Variants in CLEC4E observed in about 807,000 individuals in gnomAD.
CLEC4E encodes the protein C-type (calcium dependent, carbohydrate-recognition domain) lectin, superfamily member 9.
A neutral mutation model predicts 24.7 loss-of-function variants in CLEC4E; 21 were observed. That is an observed-to-expected ratio of 0.85 (90% CI 0.60 to 1.22). The LOEUF is 1.22. Ranked by LOEUF, CLEC4E falls within the 50% of genes most tolerant of loss-of-function variation. The pLI is 0.00. For synonymous variants in CLEC4E, 94 were observed against 85.7 expected, an observed-to-expected ratio of 1.10 and a Z score of -0.54; for missense variants, 249 against 254.1, an observed-to-expected ratio of 0.98 and a Z score of 0.14.
Position 8,537,164 on chromosome 12 carries a change from C to T in CLEC4E, c.323G>A (p.Cys108Tyr). The change falls in exon 4 of 6, where the codon TGC (cysteine) becomes TAC (tyrosine). Residue 108 changes from cysteine to tyrosine, a missense_variant. By Grantham distance (194) the Cys-to-Tyr change is radical. Transcript: ENST00000299663. ...CACCAGGTGAGCCCCCATGGCTGAG[C>T]AGTTCTTTAAACTTAACGCCCAGGA... ...TISWALSLKNCSAMGAHLVVI... is the reference protein window; with the variant it reads ...TISWALSLKNYSAMGAHLVVI... 6.2e-7 allele frequency: 1 copy of T among 1,614,072 alleles called. No homozygotes were observed. Among genetic ancestry groups the T allele is most frequent in the South Asian group, 1.1e-5 (1 of 91,084 alleles).
chr12:8,540,320 C>T (rs956342157), intron 1 of CLEC4E, among the ~76,000 whole-genome samples: 1 of 151,996 alleles, frequency 6.6e-6, no homozygotes, highest in Non-Finnish European at 1.5e-5. Context: ...TTCTAAGGCC[C>T]CCCTTCTTTC....
At position 8,533,542 on chromosome 12, in the gene CLEC4E, T is replaced by C. The variant is rs1279823700; in HGVS notation, c.*1096A>G. On this transcript the variant is annotated 3_prime_UTR_variant, in exon 6 of 6. Coordinates refer to ENST00000299663, the MANE Select transcript of CLEC4E (RefSeq NM_014358.4). ...CCTTAAAAAAGAAGATTATGTCTTT[T>C]GTGGGAACATCGGTAGAACTGGAGA... is the stretch of plus-strand genomic sequence containing the variant. The C allele has an allele frequency of 6.6e-6, 1 of 152,234 alleles. No individual in the cohort carries two copies. The highest frequency in any genetic ancestry group is 6.5e-5 in the Admixed American group (1 of 15,284). 9.4% of individuals were successfully genotyped at this position (152,234 alleles called of 1,614,324 possible).
At chr12:8,538,562 C>T (rs1031947159) in intron 3 of CLEC4E, among the ~76,000 whole-genome samples, 4 of 152,262 alleles carry the variant, frequency 2.6e-5, no homozygotes, top group South Asian at 2.1e-4. Context: ...TACCGGTCTC[C>T]GCGCATTGGT....
In CLEC4E at chr12:8,533,950, G is replaced by C. The variant is rs1349282447; in HGVS notation, c.*688C>G. On this transcript the variant is annotated 3_prime_UTR_variant, in exon 6 of 6. Coordinates refer to ENST00000299663, the MANE Select transcript of CLEC4E (RefSeq NM_014358.4). ...GGACTCGGGTCCTAGCTGAGCAATA[G>C]ATACAAAATCTGGTGAGATCCATTC... 6.6e-6 allele frequency: 1 copy of C among 152,228 alleles called. No individual in the cohort carries two copies. The highest frequency in any genetic ancestry group is 1.5e-5 in the Non-Finnish European group (1 of 68,056). The allele number at this position is 152,228 out of a possible 1,614,324, so 9.4% of individuals were successfully genotyped here.
intron 3 of CLEC4E, 49 bp downstream of exon 3, chr12:8,539,168 G>C (rs1366487302): frequency 7.5e-7 from 1 of 1,328,562 alleles, no homozygotes. Context: ...CTAGAAGCCA[G>C]AAAATGTTGC....
rs150682899 is a variant in CLEC4E at position 8,537,079 on chromosome 12, G to A, written c.372+36C>T. The A allele has an allele frequency of 2.4e-4, 385 of 1,590,526 alleles. No homozygotes were observed. In the African/African-American group the frequency reaches 3.1e-3, roughly 13 times the overall value. ...TATGAAAAGAGAGGTGGACCATGTC[G>A]GGAATGTTACATTGGCATCGGAGGA... On this transcript the variant is annotated intron_variant, in intron 4 of 5. Coordinates refer to ENST00000299663, the MANE Select transcript of CLEC4E (RefSeq NM_014358.4).
intron 5 of CLEC4E, 148 bp from the exon 6 acceptor site, chr12:8,534,957 A>C: frequency 1.6e-6 from 1 of 623,296 alleles, no homozygotes; most frequent in South Asian, 2.5e-5. Context: ...GAAGAAGAAA[A>C]GGAACCTCAG....
chr12:8,538,204 A>G (rs772772708), intron 3 of CLEC4E, among the ~76,000 whole-genome samples: 4 of 152,338 alleles, frequency 2.6e-5, no homozygotes, highest in South Asian at 4.1e-4. Context: ...GCTTGCCCGC[A>G]GTTATCCGGA....
In CLEC4E at chr12:8,536,098, C is replaced by T. The variant is rs746922908; in HGVS notation, c.480G>A (p.Lys160=). ...AATAGGAGGGTAATTACCTCAGAGA[C>T]TTTGTCAAAGGTGTGCCGTCCACCC... ...WQWVDGTPLT[K]SLSFWDVGEP... Residue 160 remains lysine (K), a synonymous_variant, in exon 5 of 6, where the codon AAG becomes AAA. Coordinates refer to ENST00000299663, the MANE Select transcript of CLEC4E (RefSeq NM_014358.4). 3.1e-6 allele frequency: 5 copies of T among 1,608,408 alleles called. No homozygotes were observed. The highest frequency in any genetic ancestry group is 4.3e-6 in the Non-Finnish European group (5 of 1,175,180).
At chr12:8,536,228 G>A (rs1209029886) in intron 4 of CLEC4E, 23 bp from the exon 5 acceptor site, 2 of 1,307,054 alleles carry the variant, frequency 1.5e-6, no homozygotes, top group African/African-American at 1.5e-5. Flanking sequence ...CAAAATAAAA[G>A]GAGATCAGTT....
chr12:8,537,116 T>C lies in CLEC4E; in HGVS notation c.371A>G (p.Gln124Arg). 2 of 1,610,554 alleles carry C rather than the reference T, an allele frequency of 1.2e-6. No individual in the cohort carries two copies. Among genetic ancestry groups the C allele is most frequent in the Non-Finnish European group, 1.7e-6 (2 of 1,177,598 alleles). ...HLVVINSQEE[Q>R]EFLSYKKPKM... The stretch of plus-strand genomic sequence containing the variant: ...TTGGCATCGGAGGACTCCAGCTACC[T>C]GCTCCTCCTGTGAGTTGATAACCAC... Residue 124 changes from glutamine (Q) to arginine (R), a missense_variant and splice_region_variant, in exon 4 of 6, where the codon CAG (glutamine) becomes CGG (arginine). By Grantham distance (43) the Gln-to-Arg change is conservative. Coordinates refer to ENST00000299663, the MANE Select transcript of CLEC4E (RefSeq NM_014358.4).
rs1717097047 is a variant in CLEC4E at position 8,536,200 on chromosome 12, G to A, written c.378C>T (p.Phe126=). ...TCATTTTAGGTTTCTTGTAGGAAAG[G>A]AATTCCTATGGAAGATACAAAATAA... The part of the protein sequence containing the change: ...VVINSQEEQE[F]LSYKKPKMRE... Residue 126 remains phenylalanine (F), a synonymous_variant, in exon 5 of 6, where the codon TTC becomes TTT. Coordinates refer to ENST00000299663, the MANE Select transcript of CLEC4E (RefSeq NM_014358.4). 1 of 1,532,550 alleles carries A rather than the reference G, an allele frequency of 6.5e-7. No individual in the cohort carries two copies. The highest frequency in any genetic ancestry group is 9.0e-7 in the Non-Finnish European group (1 of 1,106,370). 94.9% of individuals were successfully genotyped at this position (1,532,550 alleles called of 1,614,324 possible). A position where few individuals can be genotyped will look rare whatever the true frequency, so the allele number is the denominator to read the frequency against.
At chr12:8,537,867 C>T (rs374882746) in intron 3 of CLEC4E, among the ~76,000 whole-genome samples, 24 of 152,220 alleles carry the variant, frequency 1.6e-4, no homozygotes, top group Admixed American at 1.0e-3. Context: ...TAATAATCCT[C>T]GCTCTATAAT....
rs55808867 is a variant in CLEC4E, at chr12:8,536,135, C to T, written c.443G>A (p.Gly148Asp). 1.5e-4 allele frequency: 234 copies of T among 1,613,578 alleles called. 2 individuals are homozygous for T. In the African/African-American group the frequency reaches 2.7e-3, roughly 19 times the overall value. Residue 148 changes from glycine (G) to aspartate (D), a missense_variant, in exon 5 of 6, where the codon GGT becomes GAT. By Grantham distance (94) the Gly-to-Asp change is moderately conservative. Coordinates refer to ENST00000299663, the MANE Select transcript of CLEC4E (RefSeq NM_014358.4). ...TGTGCCGTCCACCCATTGCCACTGA[C>T]CCTCGACAACCTGGTCTGACAGTCC... The part of the protein sequence containing the change: ...FIGLSDQVVE[G>D]QWQWVDGTPL...
At chr12:8,537,516 C>A (rs1312387494) in intron 3 of CLEC4E, among the ~76,000 whole-genome samples, 1 of 152,222 alleles carries the variant, frequency 6.6e-6, no homozygotes, top group Non-Finnish European at 1.5e-5. Flanking sequence ...TATATGCAAA[C>A]TATCTTAGTT....
chr12:8,536,685 T>C (rs1467007879), intron 4 of CLEC4E, among the ~76,000 whole-genome samples: 1 of 152,142 alleles, frequency 6.6e-6, no homozygotes, highest in Admixed American at 6.5e-5. Context: ...AAAATAACCT[T>C]CAACAGAAAA....
At position 8,539,313 on chromosome 12, in the gene CLEC4E, A is replaced by C; in HGVS notation, c.131-7T>G. The stretch of plus-strand genomic sequence containing the variant: ...TGAAAGATGCGAAATGTCACTGTAA[A>C]AGAAAGGGCATAATGTTTGTTAGTC... On this transcript the variant is annotated splice_polypyrimidine_tract_variant and splice_region_variant and intron_variant, in intron 2 of 5. Transcript: ENST00000299663. 2 of 1,577,740 alleles carry C rather than the reference A, an allele frequency of 1.3e-6. No homozygotes were observed. Among genetic ancestry groups the C allele is most frequent in the Non-Finnish European group, 1.7e-6 (2 of 1,150,018 alleles).
At chr12:8,538,912 G>GT (rs1491294577) in intron 3 of CLEC4E, 10 of 397,288 alleles carry the variant, frequency 2.5e-5, no homozygotes, top group Non-Finnish European at 3.5e-5. Flanking sequence ...TACTCCATAC[G>GT]TTTTTTCTCC....
intron 3 of CLEC4E, among the ~76,000 whole-genome samples, chr12:8,538,136 G>A (rs188728600): frequency 1.6e-4 from 25 of 152,312 alleles, no homozygotes; most frequent in African/African-American, 6.0e-4. Context: ...CTTTCCCTGG[G>A]GGAGTTTAGA....
Sources: allele counts gnomAD v4.1 joint callset (sites outside exome capture counted in the v4.1 genomes callset), GRCh38; gene constraint gnomAD v4.1.1; transcripts MANE v1.5; gene names NCBI Gene and HGNC (gene_info 2026-07-23, HGNC 2026-07-21).